The following HARBI1 variants were observed in gnomAD, a reference collection of about 807,000 sequenced individuals.
The protein encoded by HARBI1 is harbinger transposase derived 1.
A neutral mutation model predicts 25.3 loss-of-function variants in HARBI1; 15 were observed. That is an observed-to-expected ratio of 0.59 (90% CI 0.40 to 0.91). HARBI1 has a LOEUF of 0.91. Among genes scored for constraint, HARBI1 ranks in the 40% least tolerant of loss-of-function variants. The pLI is 0.00. For synonymous variants in HARBI1, 168 were observed against 160.5 expected (o/e 1.05, Z -0.35); for missense variants, 396 against 445.8 (o/e 0.89, Z 1.01).
chr11:46,605,401 C>T (rs775047552), intron 2 of HARBI1, among the ~76,000 whole-genome samples: 1 of 151,858 alleles, frequency 6.6e-6, no homozygotes, highest in Non-Finnish European at 1.5e-5. Flanking sequence ...GGAGGTTTCA[C>T]TATGTTACCC....
intron 2 of HARBI1, among the ~76,000 whole-genome samples, chr11:46,607,218 C>T (rs990454404): frequency 2.0e-5 from 3 of 148,012 alleles, no homozygotes; most frequent in African/African-American, 2.5e-5. Context: ...GCCGAGATCA[C>T]GCCACTGCAC....
chr11:46,603,938 A>T, intron 2 of HARBI1, 29 bp from the exon 3 acceptor site: 1 of 1,575,032 alleles, frequency 6.3e-7, no homozygotes, highest in South Asian at 1.2e-5. Flanking sequence ...TAAATCATAA[A>T]TGACTATAAG....
intron 2 of HARBI1, among the ~76,000 whole-genome samples, chr11:46,612,967 C>T (rs556195693): frequency 3.6e-4 from 51 of 141,086 alleles, no homozygotes; most frequent in African/African-American, 1.3e-3. Flanking sequence ...CCACCACACC[C>T]GGATTTTTTT....
chr11:46,607,502 A>G (rs2045001503), intron 2 of HARBI1, among the ~76,000 whole-genome samples: 1 of 152,210 alleles, frequency 6.6e-6, no homozygotes, highest in Admixed American at 6.5e-5. Flanking sequence ...ATGAATACTG[A>G]AAACTGGAGA....
In HARBI1 at chr11:46,615,851, CTGAA is replaced by C; in HGVS notation, c.383_386del (p.Ile128ArgfsTer3). 6.2e-7 allele frequency: 1 copy of C among 1,614,222 alleles called. No homozygotes were observed. The highest frequency in any genetic ancestry group is 8.5e-7 in the Non-Finnish European group (1 of 1,180,040). On this transcript the variant is annotated frameshift_variant, in exon 2 of 3. Transcript: ENST00000326737. LOFTEE classifies it high-confidence loss of function. ...ACCCATAGAATTCATCCTTCAGAGC[CTGAA>C]TGGAGGCTTCATCAGCTGGAAAGCG...
At chr11:46,612,668 A>AATTTT (rs1346019671) in intron 2 of HARBI1, among the ~76,000 whole-genome samples, 1 of 151,500 alleles carries the variant, frequency 6.6e-6, no homozygotes, top group Non-Finnish European at 1.5e-5. Context: ...ATGCAAAAAT[A>AATTTT]ATTTTTTTTT....
At position 46,603,112 on chromosome 11, in the gene HARBI1, TG is replaced by T. The variant is rs1256877718; in HGVS notation, c.*417del. 1 of 154,736 alleles carries T rather than the reference TG, an allele frequency of 6.5e-6. No homozygotes were observed. Among genetic ancestry groups the T allele is most frequent in the Non-Finnish European group, 1.4e-5 (1 of 69,918 alleles). 9.6% of individuals were successfully genotyped at this position (154,736 alleles called of 1,614,324 possible). On this transcript the variant is annotated 3_prime_UTR_variant, in exon 3 of 3. Transcript: ENST00000326737. ...CGCCCGCCTCGGCCTCCCAAAGTGCTGGGATTACAGGCGTGAGCCACCGCAC... is the reference window on the plus strand; with the variant it reads ...CGCCCGCCTCGGCCTCCCAAAGTGCTGGATTACAGGCGTGAGCCACCGCAC...
At chr11:46,614,166 G>T (rs1447122777) in intron 2 of HARBI1, among the ~76,000 whole-genome samples, 1 of 151,138 alleles carries the variant, frequency 6.6e-6, no homozygotes, top group Non-Finnish European at 1.5e-5. Context: ...GGTGGCTCAC[G>T]CCTGTAATCC....
At chr11:46,606,317 CTT>C (rs770366276) in intron 2 of HARBI1, among the ~76,000 whole-genome samples, 4 of 144,564 alleles carry the variant, frequency 2.8e-5, no homozygotes, top group African/African-American at 5.0e-5. Flanking sequence ...TGTGCTGGTA[CTT>C]TTTTTTTTTT....
chr11:46,616,310 G>A lies in HARBI1; in HGVS notation c.-73C>T, dbSNP rs1195298592. The A allele has an allele frequency of 7.2e-6, 11 of 1,518,638 alleles. No individual in the cohort carries two copies. In the Admixed American group the frequency reaches 1.7e-4, roughly 23 times the overall value. 94.1% of individuals were successfully genotyped at this position (1,518,638 alleles called of 1,614,324 possible). A position where few individuals can be genotyped will look rare whatever the true frequency, so the allele number is the denominator to read the frequency against. On this transcript the variant is annotated 5_prime_UTR_variant, in exon 2 of 3. In the 5' UTR this introduces an upstream ATG that the reference lacks. Transcript: ENST00000326737. The stretch of plus-strand genomic sequence containing the variant: ...CCAATGAAGATGTTGGTGCAAGAAC[G>A]TATTTTTAAGAAAGTATCAGAATCC...
In HARBI1 at chr11:46,603,800, A is replaced by G; in HGVS notation, c.780T>C (p.Ile260=). The G allele has an allele frequency of 6.2e-7, 1 of 1,614,152 alleles. No homozygotes were observed. Among genetic ancestry groups the G allele is most frequent in the Non-Finnish European group, 8.5e-7 (1 of 1,180,032 alleles). Residue 260 remains isoleucine (I), a synonymous_variant, in exon 3 of 3, where the codon ATT becomes ATC. Transcript: ENST00000326737. Reference sequence around the variant, plus strand: ...AGCAGAGGGTTCGGAAAGTCTTCTCAATCACACTGTGAGTTGCAGAATGGG... The same window carrying G: ...AGCAGAGGGTTCGGAAAGTCTTCTCGATCACACTGTGAGTTGCAGAATGGG... The part of the protein sequence containing the change: ...NMAHSATHSV[I]EKTFRTLCSR...
At chr11:46,614,499 G>A (rs1189955993) in intron 2 of HARBI1, among the ~76,000 whole-genome samples, 1 of 152,100 alleles carries the variant, frequency 6.6e-6, no homozygotes, top group Non-Finnish European at 1.5e-5. Flanking sequence ...GCTTTGGGAG[G>A]CTCAGATGGG....
intron 2 of HARBI1, among the ~76,000 whole-genome samples, chr11:46,605,410 C>T (rs760143631): frequency 1.4e-4 from 21 of 151,746 alleles, no homozygotes; most frequent in Non-Finnish European, 2.9e-4. Context: ...ACTATGTTAC[C>T]CAGGCTGGTC....
chr11:46,617,844 C>T, upstream of HARBI1: 3 of 399,192 alleles, frequency 7.5e-6, no homozygotes, highest in Admixed American at 8.8e-5. Context: ...AGGTCCCGGC[C>T]TCCGTAATGA....
upstream of HARBI1, chr11:46,617,528 T>G (rs2045664099): frequency 5.7e-5 from 12 of 211,552 alleles, no homozygotes; most frequent in South Asian, 2.0e-4. Context: ...ATTTCCCCCG[T>G]AGCCCTCTTT....
Position 46,603,390 on chromosome 11 carries a change from C to T in HARBI1, c.*140G>A. 1 of 797,792 alleles carries T rather than the reference C, an allele frequency of 1.3e-6. No individual in the cohort carries two copies. The highest frequency in any genetic ancestry group is 2.5e-5 in the East Asian group (1 of 39,884). The allele number at this position is 797,792 out of a possible 1,614,324, so 49.4% of individuals were successfully genotyped here. ...TATTCTGGCATAGCCCCAACCTTAC[C>T]AAAACACACATATTAAATGTCAGTT... On this transcript the variant is annotated 3_prime_UTR_variant, in exon 3 of 3. Transcript: ENST00000326737.
At chr11:46,611,297 G>A (rs946636677) in intron 2 of HARBI1, among the ~76,000 whole-genome samples, 12 of 152,120 alleles carry the variant, frequency 7.9e-5, no homozygotes, top group Non-Finnish European at 5.9e-5. Context: ...GTGAGCCACC[G>A]TGCCCGGCTA....
At position 46,615,831 on chromosome 11, in the gene HARBI1, T is replaced by C. The variant is rs148294520; in HGVS notation, c.407A>G (p.Tyr136Cys). ...ASIQALKDEF[Y>C]GLAGMPGVMG... ...CACCCCTGGCATCCCTGCCAACCCA[T>C]AGAATTCATCCTTCAGAGCCTGAAT... The change falls in exon 2 of 3, where the codon TAT becomes TGT. Residue 136 changes from tyrosine (Y) to cysteine (C), a missense_variant. By Grantham distance (194) the Tyr-to-Cys change is radical. Coordinates refer to ENST00000326737, the MANE Select transcript of HARBI1 (RefSeq NM_173811.4). 376 of 1,614,140 alleles carry C rather than the reference T, an allele frequency of 2.3e-4. 3 individuals carry two copies. Among genetic ancestry groups the C allele is most frequent in the South Asian group, 1.7e-3 (154 of 91,080 alleles).
rs745573978 is a variant in HARBI1 at position 46,615,856 on chromosome 11, T to C, written c.382A>G (p.Ile128Val). Residue 128 changes from isoleucine (I) to valine (V), a missense_variant, in exon 2 of 3, where the codon ATT becomes GTT. Physicochemically the swap from Ile to Val is conservative, Grantham distance 29 (BLOSUM62 3). Transcript: ENST00000326737. ...FIRFPADEAS[I>V]QALKDEFYGL... ...TAGAATTCATCCTTCAGAGCCTGAA[T>C]GGAGGCTTCATCAGCTGGAAAGCGA... 10 of 1,614,228 alleles carry C rather than the reference T, an allele frequency of 6.2e-6. No individual in the cohort carries two copies. Among genetic ancestry groups the C allele is most frequent in the Admixed American group, 5.0e-5 (3 of 60,022 alleles).
Sources: gnomAD v4.1 joint callset for allele counts (sites outside exome capture counted in the v4.1 genomes callset) on GRCh38, gnomAD v4.1.1 for gene constraint, MANE v1.5 for transcripts, NCBI Gene and HGNC (gene_info 2026-07-23, HGNC 2026-07-21) for gene names.